Variants in DENND4A observed in about 807,000 individuals in gnomAD.
DENND4A encodes C-myc promoter-binding protein.
In DENND4A, 70 loss-of-function variants were observed where a neutral mutation model predicts 199.3. That is an observed-to-expected ratio of 0.35 (90% CI 0.29 to 0.43). The LOEUF (loss-of-function observed/expected upper bound fraction) is 0.43, where lower values mean the gene tolerates loss of function less well. Ranked by LOEUF, DENND4A falls within the 20% of genes least tolerant of loss-of-function variation. The pLI is 1.00. For missense variants in DENND4A, 1,723 were observed against 2,255.8 expected (o/e 0.76, Z 4.78); for synonymous variants, 686 against 766.9 (o/e 0.89, Z 1.74).
chr15:65,769,540 G>A (rs1408486782), intron 1 of DENND4A, among the ~76,000 whole-genome samples: 1 of 152,100 alleles, frequency 6.6e-6, no homozygotes, highest in East Asian at 1.9e-4. Context: ...CTCATGGCTT[G>A]GGTATTTTAA....
chr15:65,681,168 G>C (rs956968881), intron 23 of DENND4A: 1 of 152,136 alleles, frequency 6.6e-6, no homozygotes, highest in Non-Finnish European at 1.5e-5. Flanking sequence ...CATCCTCAAG[G>C]CTCCACTTCT....
chr15:65,789,056 G>A (rs116837173), intron 1 of DENND4A, among the ~76,000 whole-genome samples: 1,943 of 151,842 alleles, frequency 0.013, 49 homozygotes, highest in African/African-American at 0.045. Context: ...TTATACTTAT[G>A]TCAGTACATT....
intron 1 of DENND4A, among the ~76,000 whole-genome samples, chr15:65,763,179 G>C (rs908671458): frequency 6.6e-6 from 1 of 152,140 alleles, no homozygotes; most frequent in African/African-American, 2.4e-5. Flanking sequence ...AGTTCAGTAA[G>C]AGTCAATAGC....
rs554165625 is a variant in DENND4A, at chr15:65,661,689, A to G, written c.*162T>C. On this transcript the variant is annotated 3_prime_UTR_variant, in exon 33 of 33. Transcript: ENST00000443035. ...AGTGGCTTTCTCCCCACTTGTCACT[A>G]TTCTCTTCTTCAAACATTCTGTACA... 1.1e-5 allele frequency: 6 copies of G among 530,260 alleles called. No individual in the cohort carries two copies. In the East Asian group the frequency reaches 1.6e-4, roughly 14 times the overall value. The allele number at this position is 530,260 out of a possible 1,614,324, so 32.8% of individuals were successfully genotyped here. A position where few individuals can be genotyped will look rare whatever the true frequency, so the allele number is the denominator to read the frequency against.
rs1484363030 is a variant in DENND4A at position 65,729,226 on chromosome 15, G to T, written c.1333C>A (p.Pro445Thr). ...LVSMIFPFHW[P>T]CPYVPLCPLA... ...GGGCAGAGAGGAACATACGGGCATGGCCAGTGGAAAGGGAAAATCATCTTG... is the reference window on the plus strand; with the variant it reads ...GGGCAGAGAGGAACATACGGGCATGTCCAGTGGAAAGGGAAAATCATCTTG... Residue 445 changes from proline (P) to threonine (T), a missense_variant, in exon 11 of 33, where the codon CCA becomes ACA. Transcript: ENST00000443035. 1.3e-6 allele frequency: 2 copies of T among 1,579,742 alleles called. No homozygotes were observed. The highest frequency in any genetic ancestry group is 1.7e-6 in the Non-Finnish European group (2 of 1,161,906).
At chr15:65,720,947 T>TATTA (rs1555425654) in intron 12 of DENND4A, among the ~76,000 whole-genome samples, 6 of 76,222 alleles carry the variant, frequency 7.9e-5, no homozygotes, top group Admixed American at 1.5e-4. Context: ...GTTTCATTGA[T>TATTA]TATATATATA....
At chr15:65,776,386 A>T (rs2077283853) in intron 1 of DENND4A, among the ~76,000 whole-genome samples, 1 of 152,210 alleles carries the variant, frequency 6.6e-6, no homozygotes, top group Non-Finnish European at 1.5e-5. Context: ...TACTTAAAAA[A>T]GGGAGACATT....
chr15:65,727,552 A>G (rs1051901564), intron 11 of DENND4A, among the ~76,000 whole-genome samples: 1 of 151,836 alleles, frequency 6.6e-6, no homozygotes, highest in Non-Finnish European at 1.5e-5. Flanking sequence ...GCTTGATCCC[A>G]GAAATTTGGC....
chr15:65,700,763 A>G, intron 19 of DENND4A, 88 bp from the exon 20 acceptor site: 1 of 1,321,300 alleles, frequency 7.6e-7, no homozygotes, highest in South Asian at 1.7e-5. Flanking sequence ...CACCAATGTA[A>G]TACTGAACAT....
intron 3 of DENND4A, among the ~76,000 whole-genome samples, chr15:65,754,341 C>A (rs2076646341): frequency 6.6e-6 from 1 of 152,002 alleles, no homozygotes; most frequent in African/African-American, 2.4e-5. Context: ...GGCACCTACA[C>A]ACAGAGAAGT....
Position 65,765,386 on chromosome 15 carries a change from T to C in DENND4A, c.-101-3948A>G, listed in dbSNP as rs2076957485. On this transcript the variant is annotated intron_variant, in intron 1 of 32. Transcript: ENST00000443035. ...CAGCTACATGTGCTAAGCCATTATCTTTTAACACAGACTTCTTTAAATTGT... is the reference window on the plus strand; with the variant it reads ...CAGCTACATGTGCTAAGCCATTATCCTTTAACACAGACTTCTTTAAATTGT... Among the ~76,000 whole-genome samples the C allele has an allele frequency of 2.0e-5, 3 of 152,244 alleles. No homozygotes were observed. In the South Asian group the frequency reaches 6.2e-4, roughly 31 times the overall value.
At chr15:65,675,910 C>G (rs529409639) in intron 24 of DENND4A, among the ~76,000 whole-genome samples, 9 of 151,934 alleles carry the variant, frequency 5.9e-5, no homozygotes, top group Non-Finnish European at 1.2e-4. Flanking sequence ...ATTAGAAAAA[C>G]TGGAAACTTG....
chr15:65,771,264 G>A (rs182146104), intron 1 of DENND4A: 104 of 1,587,580 alleles, frequency 6.6e-5, no homozygotes, highest in Middle Eastern at 4.6e-4. Flanking sequence ...CGATCACCAC[G>A]GTATACTTTT....
At chr15:65,759,536 T>C (rs1431014614) in intron 2 of DENND4A, among the ~76,000 whole-genome samples, 1 of 152,098 alleles carries the variant, frequency 6.6e-6, no homozygotes, top group Non-Finnish European at 1.5e-5. Context: ...CTTGTTTTAT[T>C]TACATACTAA....
At chr15:65,667,806 C>T (rs939620683) in intron 28 of DENND4A, 103 bp from the exon 29 acceptor site, 3 of 1,487,156 alleles carry the variant, frequency 2.0e-6, no homozygotes, top group African/African-American at 1.4e-5. Context: ...ATAATTGTAT[C>T]ATGGGATAAG....
At chr15:65,754,401 G>T (rs1034998369) in intron 3 of DENND4A, among the ~76,000 whole-genome samples, 2 of 152,122 alleles carry the variant, frequency 1.3e-5, no homozygotes, top group African/African-American at 4.8e-5. Context: ...CTGCAGTTCT[G>T]TAAGCAGTTA....
chr15:65,769,023 C>A (rs75731348), intron 1 of DENND4A, among the ~76,000 whole-genome samples: 15,921 of 150,324 alleles, frequency 0.11, 875 homozygotes, highest in African/African-American at 0.15. Flanking sequence ...AAAAAAAAAA[C>A]CCCCACAATT....
chr15:65,690,030 C>T (rs1428087427), intron 23 of DENND4A, among the ~76,000 whole-genome samples: 4 of 152,142 alleles, frequency 2.6e-5, no homozygotes, highest in African/African-American at 4.8e-5. Flanking sequence ...GTAAGTCTAT[C>T]GTAAGTTACT....
chr15:65,677,560 A>G (rs1004811280), intron 23 of DENND4A, among the ~76,000 whole-genome samples: 1 of 152,152 alleles, frequency 6.6e-6, no homozygotes, highest in Non-Finnish European at 1.5e-5. Flanking sequence ...ATGGGTTCCA[A>G]GGTCTGTATC....
Sources: allele counts gnomAD v4.1 joint callset (sites outside exome capture counted in the v4.1 genomes callset), GRCh38; gene constraint gnomAD v4.1.1; transcripts MANE v1.5; gene names NCBI Gene and HGNC (gene_info 2026-07-23, HGNC 2026-07-21).